The following LOC128462377 variants were observed in gnomAD, a reference collection of about 807,000 sequenced individuals.
chr16:89,322,598 C>T, the LOC128462377 span, among the ~76,000 whole-genome samples: 1 of 152,208 alleles, frequency 6.6e-6, no homozygotes, highest in South Asian at 2.1e-4. Context: ...AATCCCAGCT[C>T]CAATTCCAAA....
the LOC128462377 span, among the ~76,000 whole-genome samples, chr16:89,317,575 G>C: frequency 2.6e-5 from 4 of 152,094 alleles, no homozygotes; most frequent in Admixed American, 2.6e-4. Flanking sequence ...GTCCCCACCA[G>C]GCCTGTGCTT....
chr16:89,319,591 C>T, the LOC128462377 span, among the ~76,000 whole-genome samples: 3 of 152,194 alleles, frequency 2.0e-5, no homozygotes, highest in South Asian at 2.1e-4. Context: ...CCGATGGCAG[C>T]GATGTGCTCG....
chr16:89,348,360 C>A, the LOC128462377 span, among the ~76,000 whole-genome samples: 1 of 152,172 alleles, frequency 6.6e-6, no homozygotes. Context: ...ATAAACCCCG[C>A]TTGCTCATGA....
the LOC128462377 span, among the ~76,000 whole-genome samples, chr16:89,365,623 A>T: frequency 6.6e-6 from 1 of 152,230 alleles, no homozygotes; most frequent in African/African-American, 2.4e-5. Flanking sequence ...CACTCAAGAA[A>T]GGGAAGAGCA....
the LOC128462377 span, among the ~76,000 whole-genome samples, chr16:89,319,093 T>C: frequency 6.6e-5 from 10 of 152,176 alleles, no homozygotes; most frequent in East Asian, 1.9e-3. Context: ...TTTTAAAAAA[T>C]CCAGACTGTC....
chr16:89,350,634 G>A, the LOC128462377 span, among the ~76,000 whole-genome samples: 2 of 152,180 alleles, frequency 1.3e-5, no homozygotes, highest in Non-Finnish European at 2.9e-5. Context: ...CCTGGGTCCA[G>A]GAAATAGGAT....
the LOC128462377 span, among the ~76,000 whole-genome samples, chr16:89,332,072 G>T: frequency 6.6e-6 from 1 of 151,922 alleles, no homozygotes; most frequent in East Asian, 1.9e-4. Context: ...GGGATCATTC[G>T]ATCCCAGGAG....
chr16:89,319,998 C>G, the LOC128462377 span: 1 of 152,438 alleles, frequency 6.6e-6, no homozygotes, highest in Admixed American at 6.5e-5. Flanking sequence ...AATGGCAGAG[C>G]CAGCCGAGGG....
chr16:89,339,098 G>A, the LOC128462377 span, among the ~76,000 whole-genome samples: 4 of 152,102 alleles, frequency 2.6e-5, no homozygotes, highest in East Asian at 1.9e-4. Flanking sequence ...ATGGGTGAGC[G>A]TTGCACCCCC....
the LOC128462377 span, among the ~76,000 whole-genome samples, chr16:89,386,175 T>C: frequency 4.6e-5 from 7 of 152,236 alleles, no homozygotes; most frequent in Non-Finnish European, 8.8e-5. Flanking sequence ...GAACAATTCA[T>C]CTTTTAATGT....
At chr16:89,353,192 A>G in the LOC128462377 span, among the ~76,000 whole-genome samples, 3 of 151,994 alleles carry the variant, frequency 2.0e-5, no homozygotes, top group Admixed American at 1.3e-4. Flanking sequence ...AAATACAAAA[A>G]TTAGCCGTGC....
the LOC128462377 span, chr16:89,324,672 T>C: frequency 1.4e-5 from 5 of 363,500 alleles, no homozygotes; most frequent in Non-Finnish European, 2.7e-5. Flanking sequence ...TGCTGGATAC[T>C]TCCTGCCCTC....
the LOC128462377 span, among the ~76,000 whole-genome samples, chr16:89,375,410 T>G: frequency 3.3e-5 from 5 of 151,922 alleles, no homozygotes; most frequent in African/African-American, 1.2e-4. Context: ...ACTATGGTCA[T>G]GCCTGTGACA....
chr16:89,336,235 GCC>G, the LOC128462377 span, among the ~76,000 whole-genome samples: 65 of 152,356 alleles, frequency 4.3e-4, no homozygotes, highest in Non-Finnish European at 7.3e-4. Context: ...TCAGGCAAGA[GCC>G]ACATCAACAG....
At chr16:89,333,457 C>A in the LOC128462377 span, among the ~76,000 whole-genome samples, 2 of 152,212 alleles carry the variant, frequency 1.3e-5, no homozygotes, top group Non-Finnish European at 2.9e-5. Context: ...GTGGACCCAC[C>A]GTTGTGGTAT....
the LOC128462377 span, among the ~76,000 whole-genome samples, chr16:89,319,203 C>T: frequency 4.6e-5 from 7 of 152,234 alleles, no homozygotes; most frequent in Non-Finnish European, 1.0e-4. Context: ...ACAGCTCTGG[C>T]GTGGTCAGGG....
chr16:89,416,460 G>A, the LOC128462377 span, among the ~76,000 whole-genome samples: 7 of 152,126 alleles, frequency 4.6e-5, no homozygotes, highest in East Asian at 5.8e-4. Flanking sequence ...CACCACGTCC[G>A]GTTAATATTT....
At chr16:89,392,673 T>C in the LOC128462377 span, 1 of 150,280 alleles carries the variant, frequency 6.7e-6, no homozygotes, top group Non-Finnish European at 1.5e-5. Flanking sequence ...GCACTTCGGA[T>C]GTCAGCCTAC....
At chr16:89,383,164 G>A in the LOC128462377 span, among the ~76,000 whole-genome samples, 1 of 152,244 alleles carries the variant, frequency 6.6e-6, no homozygotes, top group Non-Finnish European at 1.5e-5. Context: ...AGCCGCCTGT[G>A]CTGCTGAGTA....
Sources: gnomAD v4.1 joint callset for allele counts (sites outside exome capture counted in the v4.1 genomes callset) on GRCh38, gnomAD v4.1.1 for gene constraint, MANE v1.5 for transcripts.